The following TTC28 variants were observed in gnomAD, a reference collection of about 807,000 sequenced individuals.
TTC28 encodes the protein tetratricopeptide repeat protein 28.
TTC28 carries 61 observed loss-of-function variants against 198.0 expected under a neutral mutation model. That is an observed-to-expected ratio of 0.31 (90% CI 0.25 to 0.38). The LOEUF is 0.38. TTC28 is among the 10% of genes least tolerant of loss of function. The probability of loss-of-function intolerance (pLI) is 1.00; values close to 1 mark genes in which losing one functional copy is unlikely to be tolerated. For synonymous variants in TTC28, 1,171 were observed against 1,297.8 expected (o/e 0.90, Z 2.10); for missense variants, 2,678 against 3,164.0 (o/e 0.85, Z 3.69).
chr22:28,618,872 AC>A, intron 2 of TTC28, among the ~76,000 whole-genome samples: 1 of 152,132 alleles, frequency 6.6e-6, no homozygotes, highest in Non-Finnish European at 1.5e-5. Flanking sequence ...AAAATATATC[AC>A]ACATATTAAA....
intron 2 of TTC28, among the ~76,000 whole-genome samples, chr22:28,330,258 T>A (rs1258101767): frequency 5.9e-5 from 9 of 152,208 alleles, no homozygotes; most frequent in Non-Finnish European, 1.0e-4. Context: ...ATTACCTATA[T>A]TTCACAAAAT....
intron 7 of TTC28, 33 bp from the exon 8 acceptor site, chr22:28,105,835 T>G: frequency 2.0e-6 from 3 of 1,517,630 alleles, no homozygotes; most frequent in Middle Eastern, 1.8e-4. Context: ...GCAATGATAT[T>G]ATTTCATGCA....
intron 2 of TTC28, among the ~76,000 whole-genome samples, chr22:28,352,789 G>A (rs1191524589): frequency 3.3e-5 from 5 of 152,108 alleles, no homozygotes; most frequent in Admixed American, 3.3e-4. Flanking sequence ...GGGCCAATTT[G>A]CACCACAAGA....
At chr22:28,339,441 T>C (rs1316393910) in intron 2 of TTC28, among the ~76,000 whole-genome samples, 4 of 152,204 alleles carry the variant, frequency 2.6e-5, no homozygotes, top group Non-Finnish European at 5.9e-5. Flanking sequence ...CATTTAAGTC[T>C]GCAGAGGATT....
At chr22:28,629,867 T>A in intron 1 of TTC28, 37 bp from the exon 2 acceptor site, 1 of 1,517,618 alleles carries the variant, frequency 6.6e-7, no homozygotes. Flanking sequence ...AAAGTTCAGA[T>A]AATCCAGATG....
rs16986266 is a variant in TTC28 at position 28,296,186 on chromosome 22, T to C, written c.933+12A>G. Reference sequence around the variant, plus strand: ...AAAAAAAATGTTTTTGGTCTGCAGATAAACTTCCTACCTCTCGATCTTTGA... The same window carrying C: ...AAAAAAAATGTTTTTGGTCTGCAGACAAACTTCCTACCTCTCGATCTTTGA... On this transcript the variant is annotated intron_variant, in intron 5 of 22. Coordinates refer to ENST00000397906, the MANE Select transcript of TTC28 (RefSeq NM_001145418.2). 0.025 allele frequency: 39,189 copies of C among 1,537,484 alleles called. 543 individuals are homozygous for C. Among genetic ancestry groups the C allele is most frequent in the Non-Finnish European group, 0.029 (32,827 of 1,141,494 alleles).
chr22:28,633,812 A>T (rs1425256384), intron 1 of TTC28, among the ~76,000 whole-genome samples: 1 of 152,186 alleles, frequency 6.6e-6, no homozygotes, highest in African/African-American at 2.4e-5. Flanking sequence ...ACGTTAAATA[A>T]ATCTCTTCTT....
At chr22:28,322,583 G>GTT (rs1279499407) in intron 2 of TTC28, among the ~76,000 whole-genome samples, 1 of 152,076 alleles carries the variant, frequency 6.6e-6, no homozygotes, top group South Asian at 2.1e-4. Flanking sequence ...AAAATAGAGC[G>GTT]TAACAGTGAA....
intron 2 of TTC28, among the ~76,000 whole-genome samples, chr22:28,377,200 TA>T (rs377093229): frequency 0.07 from 7,597 of 107,800 alleles, 304 homozygotes; most frequent in African/African-American, 0.14. Flanking sequence ...TATTGTAAAG[TA>T]AAAAAAAAAA....
chr22:28,303,253 G>T (rs1377101063), intron 3 of TTC28, among the ~76,000 whole-genome samples: 1 of 152,106 alleles, frequency 6.6e-6, no homozygotes, highest in African/African-American at 2.4e-5. Flanking sequence ...ACCCAAATTT[G>T]CTTAAATGTT....
intron 2 of TTC28, among the ~76,000 whole-genome samples, chr22:28,497,738 C>T (rs2048477101): frequency 1.3e-5 from 2 of 152,022 alleles, no homozygotes; most frequent in African/African-American, 2.4e-5. Flanking sequence ...AACTAAAAAT[C>T]AATAGATAAC....
Position 28,094,265 on chromosome 22 carries a change from G to T in TTC28, c.3767-20C>A. The T allele has an allele frequency of 6.5e-7, 1 of 1,535,374 alleles. No individual in the cohort carries two copies. The highest frequency in any genetic ancestry group is 8.8e-7 in the Non-Finnish European group (1 of 1,139,262). On this transcript the variant is annotated intron_variant, in intron 11 of 22. Transcript: ENST00000397906. ...CAATTCCTGAAGCAAAACAGGCACA[G>T]CCAACATTATACACAATTAGGGTCA...
chr22:28,530,691 T>C (rs2049115065), intron 2 of TTC28, among the ~76,000 whole-genome samples: 1 of 152,108 alleles, frequency 6.6e-6, no homozygotes, highest in Non-Finnish European at 1.5e-5. Context: ...GGGAAGCCCA[T>C]CAGACTAACA....
At chr22:28,496,387 C>T (rs532070797) in intron 2 of TTC28, among the ~76,000 whole-genome samples, 21 of 152,230 alleles carry the variant, frequency 1.4e-4, no homozygotes, top group Admixed American at 1.3e-3. Context: ...ATCTGCTCCC[C>T]TGGCAGTCTT....
chr22:28,088,499 T>C (rs1941702314), intron 12 of TTC28, among the ~76,000 whole-genome samples: 1 of 151,462 alleles, frequency 6.6e-6, no homozygotes, highest in African/African-American at 2.4e-5. Context: ...TTACACCTTA[T>C]ACAAAAATTA....
chr22:28,340,215 A>T (rs1040302427), intron 2 of TTC28, among the ~76,000 whole-genome samples: 7 of 152,136 alleles, frequency 4.6e-5, no homozygotes, highest in African/African-American at 1.7e-4. Context: ...GCTTCGTTCC[A>T]TCATTTCTAA....
intron 1 of TTC28, among the ~76,000 whole-genome samples, chr22:28,660,049 C>A (rs2051718064): frequency 6.6e-6 from 1 of 152,088 alleles, no homozygotes; most frequent in Non-Finnish European, 1.5e-5. Context: ...CTCATCTTGG[C>A]CTCCCAAAGT....
chr22:28,079,535 C>T (rs1280582157), intron 12 of TTC28, among the ~76,000 whole-genome samples: 1 of 151,966 alleles, frequency 6.6e-6, no homozygotes, highest in African/African-American at 2.4e-5. Flanking sequence ...CCCTGAGGAC[C>T]ACCATTCTAG....
At chr22:28,305,092 G>A (rs1472620232) in intron 3 of TTC28, among the ~76,000 whole-genome samples, 1 of 152,086 alleles carries the variant, frequency 6.6e-6, no homozygotes, top group African/African-American at 2.4e-5. Flanking sequence ...CCAGGTTCAA[G>A]CGATTCTCCT....
Sources: allele counts gnomAD v4.1 joint callset (sites outside exome capture counted in the v4.1 genomes callset), GRCh38; gene constraint gnomAD v4.1.1; transcripts MANE v1.5; gene names NCBI Gene and HGNC (gene_info 2026-07-23, HGNC 2026-07-21).